STK32A: variants seen among roughly 807,000 people sequenced by gnomAD.
STK32A encodes the protein serine/threonine kinase 32A.
STK32A carries 41 observed loss-of-function variants against 53.2 expected under a neutral mutation model. The observed-to-expected ratio is 0.77, with a 90% confidence interval of 0.60 to 1.00. The LOEUF is 1.00. STK32A is among the 50% of genes least tolerant of loss of function. The probability of loss-of-function intolerance (pLI) is 0.00; values close to 1 mark genes in which losing one functional copy is unlikely to be tolerated. For missense variants in STK32A, 458 were observed against 485.8 expected (o/e 0.94, Z 0.54); for synonymous variants, 166 against 162.8 (o/e 1.02, Z -0.15).
At chr5:147,364,941 C>T (rs1756679976) in intron 8 of STK32A, among the ~76,000 whole-genome samples, 1 of 152,130 alleles carries the variant, frequency 6.6e-6, no homozygotes, top group Non-Finnish European at 1.5e-5. Context: ...TCCTCTAAGA[C>T]CAAAGAGTTG....
At chr5:147,394,600 G>A in the STK32A span, among the ~76,000 whole-genome samples, 1 of 148,886 alleles carries the variant, frequency 6.7e-6, no homozygotes, top group Admixed American at 6.8e-5. Context: ...AGCACAAAAA[G>A]AAATTTCAAT....
intron 7 of STK32A, among the ~76,000 whole-genome samples, chr5:147,359,125 G>A (rs566710365): frequency 6.6e-6 from 1 of 152,212 alleles, no homozygotes; most frequent in Admixed American, 6.5e-5. Context: ...CTTTTTTGAA[G>A]GACACTTAGC....
chr5:147,362,578 G>A (rs529868383), intron 8 of STK32A, among the ~76,000 whole-genome samples: 1 of 152,264 alleles, frequency 6.6e-6, no homozygotes, highest in Non-Finnish European at 1.5e-5. Context: ...TTCAGTCCAT[G>A]ACATTCTATC....
At chr5:147,357,649 A>G (rs1756312163) in intron 7 of STK32A, among the ~76,000 whole-genome samples, 1 of 151,982 alleles carries the variant, frequency 6.6e-6, no homozygotes, top group African/African-American at 2.4e-5. Context: ...TTTGCTTTCT[A>G]ACTTTGATGC....
At chr5:147,243,068 A>G (rs893607334) in intron 2 of STK32A, among the ~76,000 whole-genome samples, 10 of 152,112 alleles carry the variant, frequency 6.6e-5, no homozygotes, top group Non-Finnish European at 1.0e-4. Flanking sequence ...TATTTAAAAA[A>G]TATTGCTGAA....
In STK32A at chr5:147,319,301, C is replaced by A. The variant is rs1219342731; in HGVS notation, c.261-4597C>A. 2.0e-5 allele frequency among the ~76,000 whole-genome samples: 3 copies of A among 151,960 alleles called. No homozygotes were observed. In the East Asian group the frequency reaches 5.8e-4, roughly 29 times the overall value. ...GGACCTACGGGTGCATGCCACCACC[C>A]CCGGCTAATTTTTTGTATTTTTAGT... On this transcript the variant is annotated intron_variant, in intron 4 of 12. Transcript: ENST00000397936.
At chr5:147,400,600 C>T in the STK32A span, 2 of 1,508,716 alleles carry the variant, frequency 1.3e-6, no homozygotes, top group East Asian at 2.3e-5. Flanking sequence ...TCTGCACTCG[C>T]AGTGTCACCA....
intron 2 of STK32A, among the ~76,000 whole-genome samples, chr5:147,269,476 G>A (rs1319166860): frequency 6.6e-6 from 1 of 152,196 alleles, no homozygotes; most frequent in Non-Finnish European, 1.5e-5. Flanking sequence ...GAAAGCAGAA[G>A]CCAGACGTGT....
chr5:147,375,427 A>G (rs575933405), intron 11 of STK32A: 3 of 469,880 alleles, frequency 6.4e-6, no homozygotes, highest in African/African-American at 6.0e-5. Context: ...CTTTCCGTCT[A>G]GAGTTCTGCC....
chr5:147,358,538 T>C (rs1756359015), intron 7 of STK32A, among the ~76,000 whole-genome samples: 1 of 152,140 alleles, frequency 6.6e-6, no homozygotes, highest in Non-Finnish European at 1.5e-5. Context: ...CAAATGGCTA[T>C]CAACAATGGG....
chr5:147,280,427 G>T (rs1275674349), intron 4 of STK32A, among the ~76,000 whole-genome samples: 1 of 133,524 alleles, frequency 7.5e-6, no homozygotes, highest in African/African-American at 2.8e-5. Flanking sequence ...GGGGGTTGGG[G>T]ATGGGGGAGG....
At position 147,246,737 on chromosome 5, in the gene STK32A, T is replaced by G. The variant is rs565399717; in HGVS notation, c.52+7051T>G. The stretch of plus-strand genomic sequence containing the variant: ...GTGATTTATATGAAAAAATGTAATT[T>G]TCTTATTACACGATCAAAAGTGGTT... On this transcript the variant is annotated intron_variant, in intron 2 of 12. Transcript: ENST00000397936. 1.8e-4 allele frequency among the ~76,000 whole-genome samples: 27 copies of G among 152,348 alleles called. No individual in the cohort carries two copies. The South Asian group carries it at 2.7e-3, about 15-fold the overall frequency.
At chr5:147,243,839 G>A (rs1753677059) in intron 2 of STK32A, among the ~76,000 whole-genome samples, 1 of 147,026 alleles carries the variant, frequency 6.8e-6, no homozygotes, top group Admixed American at 7.0e-5. Context: ...ATGTTTTAGG[G>A]CAAATCTTAA....
intron 2 of STK32A, among the ~76,000 whole-genome samples, chr5:147,259,144 G>A (rs1754376505): frequency 6.6e-6 from 1 of 152,096 alleles, no homozygotes; most frequent in Non-Finnish European, 1.5e-5. Flanking sequence ...TGGGTTAAGG[G>A]AATTTTCAGT....
the STK32A span, among the ~76,000 whole-genome samples, chr5:147,396,064 G>A: frequency 1.3e-5 from 2 of 152,110 alleles, no homozygotes; most frequent in African/African-American, 2.4e-5. Flanking sequence ...AAGAGCAAGG[G>A]CAGACAGCTG....
At chr5:147,345,169 C>CT (rs1300674133) in intron 6 of STK32A, among the ~76,000 whole-genome samples, 1 of 152,190 alleles carries the variant, frequency 6.6e-6, no homozygotes, top group Non-Finnish European at 1.5e-5. Context: ...GCCCCGAGAG[C>CT]TTTGACAAGT....
intron 9 of STK32A, 29 bp from the exon 10 acceptor site, chr5:147,373,140 T>C (rs1757074193): frequency 6.2e-7 from 1 of 1,610,894 alleles, no homozygotes; most frequent in South Asian, 1.1e-5. Context: ...TCCTTTCTTA[T>C]GGCCTTGATG....
chr5:147,361,677 A>C, intron 8 of STK32A, 63 bp downstream of exon 8: 1 of 1,239,718 alleles, frequency 8.1e-7, no homozygotes, highest in Non-Finnish European at 1.2e-6. Flanking sequence ...GAATGAAAGA[A>C]TGTATTGTTT....
intron 2 of STK32A, among the ~76,000 whole-genome samples, chr5:147,262,566 A>G (rs1014927461): frequency 2.7e-5 from 4 of 150,288 alleles, no homozygotes; most frequent in African/African-American, 9.9e-5. Flanking sequence ...ATCATTCATT[A>G]TACCTATTTT....
Sources: allele counts gnomAD v4.1 joint callset (sites outside exome capture counted in the v4.1 genomes callset), GRCh38; gene constraint gnomAD v4.1.1; transcripts MANE v1.5; gene names NCBI Gene and HGNC (gene_info 2026-07-23, HGNC 2026-07-21).